Variants in CCN5 observed in about 807,000 individuals in gnomAD.
The protein encoded by CCN5 is cellular communication network factor 5, also known as CCN family member 5.
In CCN5, 17 loss-of-function variants were observed where a neutral mutation model predicts 18.7. The ratio of observed to expected loss-of-function variants is 0.91; its 90% CI spans 0.62 to 1.36. The LOEUF (loss-of-function observed/expected upper bound fraction) is 1.36, where lower values mean the gene tolerates loss of function less well. Ranked by LOEUF, CCN5 falls within the 40% of genes most tolerant of loss-of-function variation. CCN5 has a pLI of 0.00. For missense variants in CCN5, 367 were observed against 342.9 expected, an observed-to-expected ratio of 1.07 and a Z score of -0.56; for synonymous variants, 135 against 145.2, an observed-to-expected ratio of 0.93 and a Z score of 0.50.
At chr20:44,717,803 T>C (rs1263046738) in intron 1 of CCN5, among the ~76,000 whole-genome samples, 1 of 149,154 alleles carries the variant, frequency 6.7e-6, no homozygotes, top group African/African-American at 2.5e-5. Flanking sequence ...TGCTTGAACC[T>C]GGGAGGCGAA....
chr20:44,719,787 G>A, intron 1 of CCN5, 110 bp from the exon 2 acceptor site: 1 of 1,157,724 alleles, frequency 8.6e-7, no homozygotes, highest in South Asian at 1.4e-5. Flanking sequence ...TGGCTCTGAG[G>A]CTAAGGTGTG....
At chr20:44,718,562 T>C (rs909738441) in intron 1 of CCN5, among the ~76,000 whole-genome samples, 4 of 152,104 alleles carry the variant, frequency 2.6e-5, no homozygotes, top group Admixed American at 6.5e-5. Flanking sequence ...TATGCTTTGG[T>C]TGTTTCTCTG....
chr20:44,726,442 T>C (rs1216912295), intron 3 of CCN5, among the ~76,000 whole-genome samples: 2 of 151,692 alleles, frequency 1.3e-5, no homozygotes, highest in African/African-American at 4.9e-5. Flanking sequence ...AGTAATTATT[T>C]GTTGGGGGGG....
intron 3 of CCN5, among the ~76,000 whole-genome samples, chr20:44,726,718 C>G (rs1403975760): frequency 1.3e-5 from 2 of 152,152 alleles, no homozygotes; most frequent in Non-Finnish European, 2.9e-5. Flanking sequence ...ATCCTGGAAT[C>G]TTTAGCATCC....
chr20:44,715,229 T>G (rs1419045716), upstream of CCN5: 35 of 517,570 alleles, frequency 6.8e-5, no homozygotes, highest in Admixed American at 2.0e-4. Context: ...GCTAGTGTGT[T>G]TGTGTGTGTG....
chr20:44,715,923 C>T (rs149989261), intron 1 of CCN5, among the ~76,000 whole-genome samples: 23 of 152,308 alleles, frequency 1.5e-4, no homozygotes, highest in Non-Finnish European at 2.6e-4. Context: ...GTGAGTGACC[C>T]GCCCGCCCTA....
Position 44,727,634 on chromosome 20 carries a change from T to C in CCN5, c.*327T>C. On this transcript the variant is annotated 3_prime_UTR_variant, in exon 4 of 4. Coordinates refer to ENST00000190983, the MANE Select transcript of CCN5 (RefSeq NM_003881.4). ...CACACGGGCGAGCTTTCTCTCCGACTTCCCCTGGGCAAGAGATGGGACAAG... is the reference window on the plus strand; with the variant it reads ...CACACGGGCGAGCTTTCTCTCCGACCTCCCCTGGGCAAGAGATGGGACAAG... The C allele has an allele frequency of 1.2e-6, 1 of 847,798 alleles. No individual in the cohort carries two copies. The allele number at this position is 847,798 out of a possible 1,614,324, so 52.5% of individuals were successfully genotyped here.
chr20:44,715,340 T>A, upstream of CCN5: 1 of 1,557,482 alleles, frequency 6.4e-7, no homozygotes, highest in South Asian at 1.2e-5. Flanking sequence ...TGCCGGAACA[T>A]AAAGACTCAC....
intron 2 of CCN5, among the ~76,000 whole-genome samples, chr20:44,722,467 T>C (rs6094026): frequency 0.029 from 1,487 of 52,032 alleles, 11 homozygotes; most frequent in East Asian, 0.07. Flanking sequence ...CTCTCTCTCT[T>C]TTTTTTTTTT....
chr20:44,715,256 TGTGTGA>T (rs754859805), upstream of CCN5: 742 of 244,984 alleles, frequency 3.0e-3, 5 homozygotes, highest in African/African-American at 0.015. Context: ...TGTGTGTGTG[TGTGTGA>T]GCGCGCGCGC....
intron 1 of CCN5, among the ~76,000 whole-genome samples, chr20:44,717,742 G>A (rs1370068709): frequency 1.3e-5 from 2 of 151,954 alleles, no homozygotes; most frequent in South Asian, 2.1e-4. Flanking sequence ...TGGGCATGGT[G>A]GCATGCACCT....
chr20:44,727,587 C>A lies in CCN5; in HGVS notation c.*280C>A. 3 of 1,237,138 alleles carry A rather than the reference C, an allele frequency of 2.4e-6. No homozygotes were observed. Among genetic ancestry groups the A allele is most frequent in the Non-Finnish European group, 3.1e-6 (3 of 964,778 alleles). The allele number at this position is 1,237,138 out of a possible 1,614,324, so 76.6% of individuals were successfully genotyped here. On this transcript the variant is annotated 3_prime_UTR_variant, in exon 4 of 4. Coordinates refer to ENST00000190983, the MANE Select transcript of CCN5 (RefSeq NM_003881.4). ...TCCTCTAGCCCACTCCCTGCCTACA[C>A]ACACAGCCTATATCAAACATGCACA... is the stretch of plus-strand genomic sequence containing the variant.
At chr20:44,724,013 A>G (rs2065918239) in intron 2 of CCN5, 1 of 152,322 alleles carries the variant, frequency 6.6e-6, no homozygotes, top group Non-Finnish European at 1.5e-5. Flanking sequence ...GGAAGTGGCA[A>G]TAACACCCAT....
chr20:44,715,254 TGTGTGTGAGC>T (rs60539660), upstream of CCN5: 191,238 of 573,384 alleles, frequency 0.33, 25,763 homozygotes, highest in East Asian at 0.54. Context: ...TGTGTGTGTG[TGTGTGTGAGC>T]GCGCGCGCGC....
intron 3 of CCN5, among the ~76,000 whole-genome samples, chr20:44,726,766 GCACCCC>G (rs757831850): frequency 6.6e-6 from 1 of 152,066 alleles, no homozygotes; most frequent in Non-Finnish European, 1.5e-5. Context: ...CACAGGCTGG[GCACCCC>G]CTGCCTGTAA....
chr20:44,724,855 C>CGCTGTGCAGCGGCTGCACA lies in CCN5; in HGVS notation c.406_407insGCTGCACAGCTGTGCAGCG (p.Glu136GlyfsTer31). 1 of 1,596,794 alleles carries CGCTGTGCAGCGGCTGCACA rather than the reference C, an allele frequency of 6.3e-7. No homozygotes were observed. Among genetic ancestry groups the CGCTGTGCAGCGGCTGCACA allele is most frequent in the Non-Finnish European group, 8.5e-7 (1 of 1,172,770 alleles). The stretch of plus-strand genomic sequence containing the variant: ...GAGGACGGCGGCTTCACCTGCGTGC[C>CGCTGTGCAGCGGCTGCACA]GCTGTGCAGCGAGGATGTGCGGCTG... On this transcript the variant is annotated frameshift_variant, in exon 3 of 4. Transcript: ENST00000190983. LOFTEE classifies it high-confidence loss of function.
At chr20:44,724,509 T>G in intron 2 of CCN5, 7 of 569,786 alleles carry the variant, frequency 1.2e-5, no homozygotes, top group South Asian at 2.7e-5. Flanking sequence ...AAGGGCAGAG[T>G]TTGGGGGGTC....
chr20:44,726,238 T>C (rs1360133519), intron 3 of CCN5, among the ~76,000 whole-genome samples: 1 of 152,196 alleles, frequency 6.6e-6, no homozygotes, highest in Non-Finnish European at 1.5e-5. Context: ...TCCATTTAAA[T>C]ACATAGGAAA....
At chr20:44,721,891 C>T (rs905866727) in intron 2 of CCN5, among the ~76,000 whole-genome samples, 7 of 152,190 alleles carry the variant, frequency 4.6e-5, no homozygotes, top group South Asian at 2.1e-4. Context: ...AGCTCATAAG[C>T]GGCAGAGCTG....
Sources: gnomAD v4.1 joint callset for allele counts (sites outside exome capture counted in the v4.1 genomes callset) on GRCh38, gnomAD v4.1.1 for gene constraint, MANE v1.5 for transcripts, NCBI Gene and HGNC (gene_info 2026-07-23, HGNC 2026-07-21) for gene names.